Variants in HACE1 observed in about 807,000 individuals in gnomAD.
HACE1 encodes the protein HECT domain and ankyrin repeat containing E3 ubiquitin protein ligase 1, also known as E3 ubiquitin-protein ligase HACE1.
A neutral mutation model predicts 118.4 loss-of-function variants in HACE1; 73 were observed. The observed-to-expected ratio is 0.62, with a 90% CI of 0.51 to 0.75. HACE1 has a LOEUF of 0.75. Among genes scored for constraint, HACE1 ranks in the 30% least tolerant of loss-of-function variants. The probability of loss-of-function intolerance (pLI) is 0.00; values close to 1 mark genes in which losing one functional copy is unlikely to be tolerated. For missense variants in HACE1, 749 were observed against 1,102.2 expected (o/e 0.68, Z 4.54); for synonymous variants, 368 against 374.8 (o/e 0.98, Z 0.21).
At chr6:104,857,171 T>TTATTTACATATA (rs1054845485) in intron 1 of HACE1, among the ~76,000 whole-genome samples, 4 of 147,576 alleles carry the variant, frequency 2.7e-5, no homozygotes, top group Admixed American at 6.8e-5. Context: ...ATATATATAT[T>TTATTTACATATA]TATTTACATA....
chr6:104,819,217 A>G (rs1772429957), intron 6 of HACE1, among the ~76,000 whole-genome samples: 1 of 152,226 alleles, frequency 6.6e-6, no homozygotes, highest in African/African-American at 2.4e-5. Flanking sequence ...CCAACGTGGA[A>G]AAATCACTAG....
At chr6:104,833,271 A>C in intron 5 of HACE1, 98 bp from the exon 6 acceptor site, 2 of 1,064,400 alleles carry the variant, frequency 1.9e-6, no homozygotes, top group Non-Finnish European at 1.5e-6. Context: ...TGATTTGCAC[A>C]TGCAAATCTA....
At chr6:104,854,243 TG>T (rs1005434984) in intron 1 of HACE1, among the ~76,000 whole-genome samples, 12 of 152,202 alleles carry the variant, frequency 7.9e-5, no homozygotes, top group Non-Finnish European at 1.8e-4. Context: ...TATCACAGTT[TG>T]GAGGAGACTA....
chr6:104,742,863 A>G (rs1391886605), intron 22 of HACE1, among the ~76,000 whole-genome samples: 4 of 151,976 alleles, frequency 2.6e-5, no homozygotes, highest in Non-Finnish European at 4.4e-5. Context: ...ACATGCACAC[A>G]TATGTTTATT....
chr6:104,796,890 A>C, intron 8 of HACE1, 39 bp downstream of exon 8: 2 of 1,232,324 alleles, frequency 1.6e-6, no homozygotes, highest in Middle Eastern at 3.8e-4. Flanking sequence ...AGTTTCTATT[A>C]TAAAGATAAG....
In HACE1 at chr6:104,796,971, C is replaced by A. The variant is rs758865323; in HGVS notation, c.672G>T (p.Leu224=). 1 of 1,604,826 alleles carries A rather than the reference C, an allele frequency of 6.2e-7. No individual in the cohort carries two copies. Among genetic ancestry groups the A allele is most frequent in the East Asian group, 2.2e-5 (1 of 44,740 alleles). Residue 224 remains leucine (L), a synonymous_variant, in exon 8 of 24, where the codon CTG becomes CTT. Transcript: ENST00000262903. ...QILLLRGAKY[L]PDKNGVTPLD... ...GAGGAGTTACTCCATTTTTATCTGG[C>A]AGATATTTGGCTCCTCGTAATAGTA...
At chr6:104,751,864 G>T (rs1274106975) in intron 19 of HACE1, among the ~76,000 whole-genome samples, 2 of 146,772 alleles carry the variant, frequency 1.4e-5, no homozygotes, top group African/African-American at 2.6e-5. Context: ...TAACAGGGAA[G>T]AAACTCTGTT....
At chr6:104,851,730 CA>C (rs11308954) in intron 2 of HACE1, among the ~76,000 whole-genome samples, 82,666 of 150,774 alleles carry the variant, frequency 0.55, 24,628 homozygotes, top group East Asian at 0.73. Flanking sequence ...AAATTTAAAA[CA>C]AAAAAAAAAA....
At chr6:104,750,891 T>C (rs1337095117) in intron 19 of HACE1, among the ~76,000 whole-genome samples, 2 of 152,186 alleles carry the variant, frequency 1.3e-5, no homozygotes, top group East Asian at 1.9e-4. Flanking sequence ...TATATGTGTA[T>C]ATACACATAG....
At chr6:104,800,884 G>A (rs1055800469) in intron 7 of HACE1, among the ~76,000 whole-genome samples, 1 of 152,164 alleles carries the variant, frequency 6.6e-6, no homozygotes, top group African/African-American at 2.4e-5. Flanking sequence ...GTTCACAGAA[G>A]TAGGCTTCAG....
chr6:104,786,606 A>G (rs1782431709), intron 11 of HACE1: 4 of 143,582 alleles, frequency 2.8e-5, no homozygotes, highest in Admixed American at 2.7e-4. Flanking sequence ...ACTGTCTCCA[A>G]AAAAAAAAAA....
intron 22 of HACE1, among the ~76,000 whole-genome samples, chr6:104,738,904 A>C (rs1776270464): frequency 1.3e-5 from 2 of 151,172 alleles, no homozygotes; most frequent in African/African-American, 4.9e-5. Flanking sequence ...AAAAATGTTA[A>C]GGGCAGCCAG....
In HACE1 at chr6:104,761,347, G is replaced by A. The variant is rs575836333; in HGVS notation, c.2211+9846C>T. On this transcript the variant is annotated intron_variant, in intron 19 of 23. Coordinates refer to ENST00000262903, the MANE Select transcript of HACE1 (RefSeq NM_020771.4). ...AACAGAATGGTACTGGTACCAAAAC[G>A]ATATATAGAACAATGGAACAGAACA... Among the ~76,000 whole-genome samples the A allele has an allele frequency of 5.9e-5, 9 of 152,102 alleles. No homozygotes were observed. In the South Asian group the frequency reaches 8.3e-4, roughly 14 times the overall value.
chr6:104,781,259 A>T (rs1450006847), intron 14 of HACE1, among the ~76,000 whole-genome samples: 1 of 152,178 alleles, frequency 6.6e-6, no homozygotes, highest in African/African-American at 2.4e-5. Flanking sequence ...TGATGCTCAA[A>T]TTCTTCCAAA....
chr6:104,763,408 C>T (rs1227986383), intron 19 of HACE1, among the ~76,000 whole-genome samples: 1 of 152,144 alleles, frequency 6.6e-6, no homozygotes, highest in African/African-American at 2.4e-5. Flanking sequence ...GTTATCTTGG[C>T]AATGACACCC....
At chr6:104,804,577 C>A (rs902636644) in intron 7 of HACE1, among the ~76,000 whole-genome samples, 1 of 152,138 alleles carries the variant, frequency 6.6e-6, no homozygotes, top group African/African-American at 2.4e-5. Flanking sequence ...ACCATCTGAT[C>A]TTTGACAAAC....
At position 104,859,659 on chromosome 6, in the gene HACE1, G is replaced by A. The variant is rs761482530; in HGVS notation, c.-17C>T. 3 of 1,526,716 alleles carry A rather than the reference G, an allele frequency of 2.0e-6. No individual in the cohort carries two copies. The highest frequency in any genetic ancestry group is 2.6e-6 in the Non-Finnish European group (3 of 1,140,062). The allele number at this position is 1,526,716 out of a possible 1,614,324, so 94.6% of individuals were successfully genotyped here. A position where few individuals can be genotyped will look rare whatever the true frequency, so the allele number is the denominator to read the frequency against. On this transcript the variant is annotated 5_prime_UTR_variant, in exon 1 of 24. Coordinates refer to ENST00000262903, the MANE Select transcript of HACE1 (RefSeq NM_020771.4). ...TCTCTCCATCCTCGGCGCGCCCTCCGCGATCCTCCGCGATCAGCCGCCCCA... is the reference window on the plus strand; with the variant it reads ...TCTCTCCATCCTCGGCGCGCCCTCCACGATCCTCCGCGATCAGCCGCCCCA...
At chr6:104,745,085 G>T (rs1466164171) in intron 20 of HACE1, among the ~76,000 whole-genome samples, 2 of 152,052 alleles carry the variant, frequency 1.3e-5, no homozygotes, top group Non-Finnish European at 2.9e-5. Flanking sequence ...GAAAAAGGAG[G>T]TAATATAAAA....
At chr6:104,803,332 G>A (rs1487269586) in intron 7 of HACE1, among the ~76,000 whole-genome samples, 1 of 152,070 alleles carries the variant, frequency 6.6e-6, no homozygotes, top group Non-Finnish European at 1.5e-5. Context: ...CCAATCAATA[G>A]AAAAAGAGGG....
Sources: gnomAD v4.1 joint callset for allele counts (sites outside exome capture counted in the v4.1 genomes callset) on GRCh38, gnomAD v4.1.1 for gene constraint, MANE v1.5 for transcripts, NCBI Gene and HGNC (gene_info 2026-07-23, HGNC 2026-07-21) for gene names.